LRRC4C: variants seen among roughly 807,000 people sequenced by gnomAD.
LRRC4C encodes leucine rich repeat containing 4C, also known as leucine-rich repeat-containing protein 4C.
LRRC4C carries 5 observed loss-of-function variants against 33.6 expected under a neutral mutation model. The observed-to-expected ratio is 0.15, with a 90% CI of 0.08 to 0.31. The LOEUF (loss-of-function observed/expected upper bound fraction) is 0.31, where lower values mean the gene tolerates loss of function less well. Among genes scored for constraint, LRRC4C ranks in the 10% least tolerant of loss-of-function variants. The pLI is 1.00. For missense variants in LRRC4C, 560 were observed against 796.7 expected (o/e 0.70, Z 3.58); for synonymous variants, 329 against 302.0 (o/e 1.09, Z -0.93).
chr11:40,639,258 T>A (rs571467464), intron 3 of LRRC4C, among the ~76,000 whole-genome samples: 1 of 152,122 alleles, frequency 6.6e-6, no homozygotes, highest in African/African-American at 2.4e-5. Context: ...CCAAATCAAA[T>A]GAAGGCAAGT....
intron 5 of LRRC4C, among the ~76,000 whole-genome samples, chr11:40,147,146 T>G (rs1010471988): frequency 3.9e-5 from 6 of 152,148 alleles, no homozygotes; most frequent in African/African-American, 1.4e-4. Context: ...TCATTAGCCC[T>G]TCTCTCAATT....
intron 4 of LRRC4C, among the ~76,000 whole-genome samples, chr11:40,249,646 C>A (rs1204121976): frequency 4.0e-5 from 6 of 151,158 alleles, no homozygotes; most frequent in African/African-American, 9.7e-5. Context: ...AAAGAATAAC[C>A]TTTACTGGGA....
At chr11:40,908,846 A>T (rs896584398) in intron 2 of LRRC4C, among the ~76,000 whole-genome samples, 5 of 152,206 alleles carry the variant, frequency 3.3e-5, no homozygotes, top group African/African-American at 1.2e-4. Flanking sequence ...CTGACAATTT[A>T]CATGTTAATG....
intron 2 of LRRC4C, among the ~76,000 whole-genome samples, chr11:40,821,547 A>T (rs1951929321): frequency 6.6e-6 from 1 of 151,576 alleles, no homozygotes; most frequent in Admixed American, 6.6e-5. Flanking sequence ...AACAATTTCA[A>T]ATTAATAGAT....
chr11:41,179,624 T>C (rs1398169829), intron 1 of LRRC4C, among the ~76,000 whole-genome samples: 2 of 152,336 alleles, frequency 1.3e-5, no homozygotes, highest in South Asian at 2.1e-4. Context: ...TCACTTAACA[T>C]TGTTTTCGGC....
intron 2 of LRRC4C, among the ~76,000 whole-genome samples, chr11:40,920,892 T>C (rs573679145): frequency 2.0e-5 from 3 of 151,524 alleles, no homozygotes; most frequent in East Asian, 3.9e-4. Context: ...AAGATTATCC[T>C]GGATTATCCA....
intron 1 of LRRC4C, among the ~76,000 whole-genome samples, chr11:41,195,960 T>A (rs546086062): frequency 6.6e-6 from 1 of 152,076 alleles, no homozygotes; most frequent in African/African-American, 2.4e-5. Context: ...TGCTCAAGGA[T>A]CCCTTCTCGA....
intron 5 of LRRC4C, among the ~76,000 whole-genome samples, chr11:40,223,560 T>C (rs1407974468): frequency 6.6e-6 from 1 of 152,218 alleles, no homozygotes; most frequent in Non-Finnish European, 1.5e-5. Flanking sequence ...AATTTATTTT[T>C]AGGCCTCCTT....
intron 5 of LRRC4C, among the ~76,000 whole-genome samples, chr11:40,209,337 A>C (rs2135804667): frequency 6.6e-6 from 1 of 152,346 alleles, no homozygotes; most frequent in African/African-American, 2.4e-5. Flanking sequence ...AAAGATATAA[A>C]TAGTAAACAA....
intron 3 of LRRC4C, among the ~76,000 whole-genome samples, chr11:40,345,122 A>G (rs1338725008): frequency 6.6e-6 from 1 of 152,226 alleles, no homozygotes; most frequent in East Asian, 1.9e-4. Flanking sequence ...ATCCTATCAA[A>G]TTCAATTGAA....
At chr11:40,685,830 G>C (rs1402831761) in intron 2 of LRRC4C, among the ~76,000 whole-genome samples, 1 of 151,910 alleles carries the variant, frequency 6.6e-6, no homozygotes, top group African/African-American at 2.4e-5. Flanking sequence ...CACAGAGAGA[G>C]AGAGGAAGAA....
At chr11:40,742,071 C>T (rs1159730461) in intron 2 of LRRC4C, among the ~76,000 whole-genome samples, 14 of 152,044 alleles carry the variant, frequency 9.2e-5, no homozygotes, top group Admixed American at 9.2e-4. Flanking sequence ...GGCATTATCA[C>T]TTCACAAGGA....
At chr11:40,511,571 C>T (rs1955317793) in intron 3 of LRRC4C, among the ~76,000 whole-genome samples, 1 of 152,124 alleles carries the variant, frequency 6.6e-6, no homozygotes. Context: ...CTGAAAGCAG[C>T]ACAGTGCCTG....
At chr11:40,809,634 ATT>A (rs1176555327) in intron 2 of LRRC4C, among the ~76,000 whole-genome samples, 5 of 152,132 alleles carry the variant, frequency 3.3e-5, no homozygotes, top group Non-Finnish European at 4.4e-5. Flanking sequence ...AAAGCAACGT[ATT>A]GTTTGTTTCA....
chr11:41,261,966 A>C (rs1271773309), intron 1 of LRRC4C, among the ~76,000 whole-genome samples: 2 of 152,108 alleles, frequency 1.3e-5, no homozygotes, highest in African/African-American at 4.8e-5. Flanking sequence ...GGAGAGAAAA[A>C]TCTTCATTCT....
intron 1 of LRRC4C, among the ~76,000 whole-genome samples, chr11:41,323,968 A>C (rs538423888): frequency 6.6e-6 from 1 of 152,184 alleles, no homozygotes; most frequent in Non-Finnish European, 1.5e-5. Flanking sequence ...TTGATATTAA[A>C]AGTACTTAGA....
chr11:40,643,451 C>T (rs1251038304), intron 3 of LRRC4C, among the ~76,000 whole-genome samples: 1 of 152,058 alleles, frequency 6.6e-6, no homozygotes, highest in African/African-American at 2.4e-5. Context: ...TTCATCCCTG[C>T]CAGGCAGTAA....
chr11:41,410,456 G>GCGCCA (rs1954426371), intron 1 of LRRC4C, among the ~76,000 whole-genome samples: 1 of 146,908 alleles, frequency 6.8e-6, no homozygotes, highest in South Asian at 2.2e-4. Context: ...CTGTCACCCA[G>GCGCCA]GCTGGAGTGC....
chr11:40,555,252 G>A (rs17408675), intron 3 of LRRC4C, among the ~76,000 whole-genome samples: 15,023 of 152,118 alleles, frequency 0.099, 839 homozygotes, highest in Middle Eastern at 0.15. Context: ...GGGACAGACC[G>A]ATGTCCAGGC....
Sources: gnomAD v4.1 joint callset for allele counts (sites outside exome capture counted in the v4.1 genomes callset) on GRCh38, gnomAD v4.1.1 for gene constraint, MANE v1.5 for transcripts, NCBI Gene and HGNC (gene_info 2026-07-23, HGNC 2026-07-21) for gene names.